The following NOS3 variants were observed in gnomAD, a reference collection of about 807,000 sequenced individuals.
The protein encoded by NOS3 is NOS type III.
In NOS3, 98 loss-of-function variants were observed where a neutral mutation model predicts 144.9. The ratio of observed to expected loss-of-function variants is 0.68; its 90% confidence interval spans 0.57 to 0.80. NOS3 has a LOEUF of 0.80. NOS3 is among the 30% of genes least tolerant of loss of function. The pLI is 0.00. For missense variants in NOS3, 1,465 were observed against 1,656.4 expected (o/e 0.88, Z 2.01); for synonymous variants, 714 against 702.4 (o/e 1.02, Z -0.26).
Position 151,013,258 on chromosome 7 carries a change from T to C in NOS3, c.3134T>C (p.Val1045Ala), listed in dbSNP as rs1795346363. 6.2e-7 allele frequency: 1 copy of C among 1,613,714 alleles called. No individual in the cohort carries two copies. Among genetic ancestry groups the C allele is most frequent in the Admixed American group, 1.7e-5 (1 of 59,996 alleles). The change falls in exon 25 of 27, where the codon GTG (valine) becomes GCG (alanine). Residue 1045 changes from valine (V) to alanine (A), a missense_variant. Physicochemically the swap from Val to Ala is moderately conservative, Grantham distance 64. Transcript: ENST00000297494. ...CTGCAGCCCACTCCCATGACTTTGG[T>C]GTTCGGCTGCCGATGCTCCCAACTT... is the stretch of plus-strand genomic sequence containing the variant. The part of the protein sequence containing the change: ...KGLQPTPMTL[V>A]FGCRCSQLDH...
chr7:151,011,474 C>T (rs1398250722), intron 23 of NOS3, among the ~76,000 whole-genome samples: 3 of 142,612 alleles, frequency 2.1e-5, no homozygotes, highest in Admixed American at 7.0e-5. Flanking sequence ...TGCAGTGGTA[C>T]GATCTCGGCT....
chr7:150,994,825 G>A (rs1802333501), intron 2 of NOS3, among the ~76,000 whole-genome samples: 1 of 152,204 alleles, frequency 6.6e-6, no homozygotes, highest in South Asian at 2.1e-4. Context: ...GGAAATCAGA[G>A]CTGAGGAATC....
At chr7:151,006,310 CAAAT>C (rs1248002718) in intron 14 of NOS3, 113 bp from the exon 15 acceptor site, 2 of 812,896 alleles carry the variant, frequency 2.5e-6, no homozygotes, top group Non-Finnish European at 4.1e-6. Context: ...ATTTTCAAAA[CAAAT>C]AAAAATTAAG....
chr7:151,008,792 G>A (rs933598953), intron 17 of NOS3, 138 bp from the exon 18 acceptor site: 3 of 984,980 alleles, frequency 3.0e-6, no homozygotes, highest in Middle Eastern at 3.3e-4. Flanking sequence ...GGCGGAAAAG[G>A]TGCTGTCCTT....
At position 151,008,793 on chromosome 7, in the gene NOS3, T is replaced by C. The variant is rs1021570496; in HGVS notation, c.2113-137T>C. 26 of 987,798 alleles carry C rather than the reference T, an allele frequency of 2.6e-5. 1 individual carries two copies. Among genetic ancestry groups the C allele is most frequent in the Non-Finnish European group, 3.6e-5 (25 of 703,012 alleles). 61.2% of individuals were successfully genotyped at this position (987,798 alleles called of 1,614,324 possible). ...CCATGAAATGGGCTGGCGGAAAAGG[T>C]GCTGTCCTTGGCGCCGGCCTCAGCC... On this transcript the variant is annotated intron_variant, in intron 17 of 26. Coordinates refer to ENST00000297494, the MANE Select transcript of NOS3 (RefSeq NM_000603.5).
chr7:150,992,146 C>CT (rs1802267844), intron 1 of NOS3, among the ~76,000 whole-genome samples: 1 of 65,860 alleles, frequency 1.5e-5, no homozygotes, highest in South Asian at 6.0e-4. Context: ...AAGACTCTGT[C>CT]TAAAAAAAAA....
In NOS3 at chr7:151,007,186, G is replaced by A; in HGVS notation, c.2022G>A (p.Leu674=). 1.9e-6 allele frequency: 3 copies of A among 1,613,314 alleles called. No homozygotes were observed. The highest frequency in any genetic ancestry group is 2.5e-6 in the Non-Finnish European group (3 of 1,179,920). Residue 674 remains leucine (L), a synonymous_variant, in exon 17 of 27, where the codon CTG becomes CTA. Transcript: ENST00000297494. The stretch of plus-strand genomic sequence containing the variant: ...CCGTGGACACACGGCTGGAGGAACT[G>A]GGCGGGGAGCGGCTGCTGCAGCTGG... ...ARAVDTRLEE[L]GGERLLQLGQ... is the part of the protein sequence containing the mutation.
intron 20 of NOS3, 31 bp from the exon 21 acceptor site, chr7:151,010,084 G>A: frequency 1.3e-6 from 2 of 1,486,222 alleles, no homozygotes; most frequent in East Asian, 2.3e-5. Flanking sequence ...GCTGGGCCCT[G>A]TCCTCAGAGC....
rs368180942 is a variant in NOS3, at chr7:151,009,457, C to T, written c.2384C>T (p.Pro795Leu). Residue 795 changes from proline (P) to leucine (L), a missense_variant, in exon 20 of 27, where the codon CCG (proline) becomes CTG (leucine). Pro to Leu is a moderately conservative substitution (Grantham distance 98). Around this residue, in one of 5 missense-constraint regions of NOS3, gnomAD observed 745 missense variants for 853.9 expected, o/e 0.87. Transcript: ENST00000297494. ...GGCCAGGAGGGGCTGCAGTACCAGC[C>T]GGGGGACCACATAGGTGTCTGCCCG... The part of the protein sequence containing the change: ...TGGQEGLQYQ[P>L]GDHIGVCPPN... 7.2e-5 allele frequency: 112 copies of T among 1,549,240 alleles called. No homozygotes were observed. In the East Asian group the frequency reaches 1.3e-3, roughly 18 times the overall value.
chr7:151,006,085 T>C (rs1201198398), intron 14 of NOS3, among the ~76,000 whole-genome samples: 1 of 152,050 alleles, frequency 6.6e-6, no homozygotes, highest in African/African-American at 2.4e-5. Flanking sequence ...CTGCAATAAA[T>C]TATTGATTAA....
rs373947786 is a variant in NOS3 at position 150,998,531 on chromosome 7, C to T, written c.675-8C>T. 3.1e-6 allele frequency: 5 copies of T among 1,610,616 alleles called. No individual in the cohort carries two copies. The South Asian group carries it at 4.4e-5, about 14-fold the overall frequency. Reference sequence around the variant, plus strand: ...GGCTCTGACCAGCTCTTTCCCCATGCGTGCCAGCTCGGCCATCACAGTGTT... The same window carrying T: ...GGCTCTGACCAGCTCTTTCCCCATGTGTGCCAGCTCGGCCATCACAGTGTT... On this transcript the variant is annotated splice_region_variant and splice_polypyrimidine_tract_variant and intron_variant, in intron 6 of 26. Transcript: ENST00000297494. The surrounding 1 kb of genome is among the most constrained non-coding windows in gnomAD (Gnocchi z 5.0).
At chr7:150,995,131 C>T (rs1045567985) in intron 2 of NOS3, 72 bp from the exon 3 acceptor site, 2 of 825,274 alleles carry the variant, frequency 2.4e-6, no homozygotes, top group Admixed American at 2.3e-5. Flanking sequence ...TAACAGGGGC[C>T]TCCGGGTGAC....
At position 150,996,541 on chromosome 7, in the gene NOS3, C is replaced by G. The variant is rs1024282011; in HGVS notation, c.408C>G (p.Ser136Arg). ...QARDFINQYY[S>R]SIKRSGSQAH... ...GGGACTTCATCAACCAGTACTACAG[C>G]TCCATTAAGAGGTGACAGCTTCCCG... Residue 136 changes from serine (S) to arginine (R), a missense_variant, in exon 4 of 27, where the codon AGC (serine) becomes AGG (arginine). Physicochemically the swap from Ser to Arg is moderately radical, Grantham distance 110 (BLOSUM62 -1). Transcript: ENST00000297494. 2 of 1,602,214 alleles carry G rather than the reference C, an allele frequency of 1.2e-6. No homozygotes were observed. The highest frequency in any genetic ancestry group is 8.5e-7 in the Non-Finnish European group (1 of 1,174,932).
At position 151,013,768 on chromosome 7, in the gene NOS3, G is replaced by A. The variant is rs149499473; in HGVS notation, c.3300G>A (p.Val1100=). The change falls in exon 26 of 27, where the codon GTG becomes GTA. Residue 1100 remains valine (V), a synonymous_variant. Coordinates refer to ENST00000297494, the MANE Select transcript of NOS3 (RefSeq NM_000603.5). ...DILRTELAAE[V]HRVLCLERGH... ...TGAGGACGGAGCTGGCTGCGGAGGTGCACCGCGTGCTGTGCCTCGAGCGGG... is the reference window on the plus strand; with the variant it reads ...TGAGGACGGAGCTGGCTGCGGAGGTACACCGCGTGCTGTGCCTCGAGCGGG... The A allele has an allele frequency of 1.5e-4, 247 of 1,611,324 alleles. No homozygotes were observed. The highest frequency in any genetic ancestry group is 2.0e-4 in the Non-Finnish European group (239 of 1,179,352).
chr7:151,009,457 C>G lies in NOS3; in HGVS notation c.2384C>G (p.Pro795Arg). The change falls in exon 20 of 27, where the codon CCG (proline) becomes CGG (arginine). Residue 795 changes from proline to arginine, a missense_variant. By Grantham distance (103) the Pro-to-Arg change is moderately radical. This residue lies in a region of NOS3 where 745 missense variants were observed against 853.9 expected (regional missense o/e 0.87). Transcript: ENST00000297494. ...TGGQEGLQYQ[P>R]GDHIGVCPPN... ...GGCCAGGAGGGGCTGCAGTACCAGC[C>G]GGGGGACCACATAGGTGTCTGCCCG... 6.5e-7 allele frequency: 1 copy of G among 1,549,240 alleles called. No homozygotes were observed. Among genetic ancestry groups the G allele is most frequent in the Non-Finnish European group, 8.7e-7 (1 of 1,146,802 alleles).
chr7:150,997,013 G>A, intron 5 of NOS3, 88 bp downstream of exon 5: 1 of 1,426,984 alleles, frequency 7.0e-7, no homozygotes, highest in Non-Finnish European at 9.4e-7. Flanking sequence ...CCGGGGGCTG[G>A]GAGGTCCCAA....
chr7:151,006,861 C>A, intron 15 of NOS3, 28 bp from the exon 16 acceptor site: 1 of 1,576,038 alleles, frequency 6.3e-7, no homozygotes, highest in Non-Finnish European at 8.7e-7. Context: ...GGCCCTGTGA[C>A]AACCTTGTCT....
At position 151,009,188 on chromosome 7, in the gene NOS3, G is replaced by A; in HGVS notation, c.2246-1G>A. 6.2e-7 allele frequency: 1 copy of A among 1,613,710 alleles called. No individual in the cohort carries two copies. Among genetic ancestry groups the A allele is most frequent in the South Asian group, 1.1e-5 (1 of 91,062 alleles). ...CCTCATTTGCCCCTCCCCGCCCCCAGGTCTGATCCACGTGCACAGGCGGAA... is the reference window on the plus strand; with the variant it reads ...CCTCATTTGCCCCTCCCCGCCCCCAAGTCTGATCCACGTGCACAGGCGGAA... On this transcript the variant is annotated splice_acceptor_variant, in intron 18 of 26. Transcript: ENST00000297494. LOFTEE classifies it high-confidence loss of function.
chr7:150,995,072 G>A (rs1802341286), intron 2 of NOS3, 131 bp from the exon 3 acceptor site: 1 of 575,178 alleles, frequency 1.7e-6, no homozygotes, highest in African/African-American at 1.9e-5. Flanking sequence ...TAAGGCATGG[G>A]GAACGCCAGA....
Sources: allele counts gnomAD v4.1 joint callset (sites outside exome capture counted in the v4.1 genomes callset), GRCh38; gene constraint gnomAD v4.1.1; regional missense constraint gnomAD v4.1.1; non-coding constraint Gnocchi (gnomAD v3.1); transcripts MANE v1.5; gene names NCBI Gene and HGNC (gene_info 2026-07-23, HGNC 2026-07-21).